The following ME3 variants were observed in gnomAD, a reference collection of about 807,000 sequenced individuals.
The protein encoded by ME3 is malic enzyme 3.
A neutral mutation model predicts 68.9 loss-of-function variants in ME3; 48 were observed. The observed-to-expected ratio is 0.70, with a 90% CI of 0.55 to 0.89. ME3 has a LOEUF of 0.89. ME3 is among the 40% of genes least tolerant of loss of function. The pLI is 0.00. For missense variants in ME3, 675 were observed against 797.4 expected (o/e 0.85, Z 1.85); for synonymous variants, 320 against 318.8 (o/e 1.00, Z -0.04).
At chr11:86,458,787 A>T (rs1431565353) in intron 8 of ME3, among the ~76,000 whole-genome samples, 1 of 152,076 alleles carries the variant, frequency 6.6e-6, no homozygotes, top group Non-Finnish European at 1.5e-5. Flanking sequence ...GCTGGAAATA[A>T]TCCCTGGCAT....
chr11:86,498,234 G>A (rs547326784), intron 5 of ME3, 110 bp from the exon 6 acceptor site: 1 of 1,324,270 alleles, frequency 7.6e-7, no homozygotes. Flanking sequence ...CACTGACTTT[G>A]CCGGTGTGAA....
intron 6 of ME3, among the ~76,000 whole-genome samples, chr11:86,496,355 G>A (rs937600830): frequency 2.0e-5 from 3 of 152,050 alleles, no homozygotes; most frequent in Admixed American, 1.3e-4. Context: ...GCAGCGAGCC[G>A]AGATCACGCC....
At chr11:86,656,363 T>C (rs2135463323) in intron 2 of ME3, among the ~76,000 whole-genome samples, 1 of 151,776 alleles carries the variant, frequency 6.6e-6, no homozygotes, top group East Asian at 1.9e-4. Context: ...TGTCCAACAA[T>C]GATAGACTGG....
At chr11:86,520,742 A>G (rs1954213139) in intron 4 of ME3, among the ~76,000 whole-genome samples, 1 of 152,216 alleles carries the variant, frequency 6.6e-6, no homozygotes, top group African/African-American at 2.4e-5. Context: ...CTGCAAACAT[A>G]GTGTTTACTT....
intron 2 of ME3, among the ~76,000 whole-genome samples, chr11:86,650,662 T>C (rs1309637862): frequency 1.3e-5 from 2 of 152,188 alleles, no homozygotes; most frequent in Admixed American, 6.5e-5. Flanking sequence ...CAGCTCCCAG[T>C]GTGAGCGACA....
At chr11:86,606,712 G>A (rs942429832) in intron 2 of ME3, among the ~76,000 whole-genome samples, 7 of 152,198 alleles carry the variant, frequency 4.6e-5, no homozygotes, top group South Asian at 2.1e-4. Flanking sequence ...AACTCTCCCA[G>A]TACAGAAAAG....
At chr11:86,458,649 A>G (rs920001632) in intron 8 of ME3, among the ~76,000 whole-genome samples, 2 of 152,142 alleles carry the variant, frequency 1.3e-5, no homozygotes, top group Non-Finnish European at 2.9e-5. Flanking sequence ...GGAACAGAGG[A>G]GAGAAAAGGT....
chr11:86,544,886 G>A (rs1956271452), intron 4 of ME3, among the ~76,000 whole-genome samples: 1 of 152,148 alleles, frequency 6.6e-6, no homozygotes, highest in Non-Finnish European at 1.5e-5. Context: ...TATCCCTGAT[G>A]AACATCAATG....
chr11:86,519,804 T>C (rs1954140653), intron 4 of ME3, among the ~76,000 whole-genome samples: 1 of 152,238 alleles, frequency 6.6e-6, no homozygotes, highest in African/African-American at 2.4e-5. Context: ...CCTCGAAGGC[T>C]GTGTAGGCCT....
chr11:86,448,011 T>A (rs1949419345), intron 11 of ME3, 139 bp downstream of exon 11: 1 of 624,050 alleles, frequency 1.6e-6, no homozygotes, highest in African/African-American at 1.8e-5. Context: ...TAAAAGTTTG[T>A]GGCATTGAAT....
chr11:86,624,463 T>C (rs1943536639), intron 2 of ME3, among the ~76,000 whole-genome samples: 2 of 152,174 alleles, frequency 1.3e-5, no homozygotes, highest in African/African-American at 4.8e-5. Flanking sequence ...TTGAGAACAC[T>C]CCTCTATTCT....
chr11:86,499,205 A>C (rs188341096), intron 5 of ME3, among the ~76,000 whole-genome samples: 17 of 152,092 alleles, frequency 1.1e-4, no homozygotes, highest in Admixed American at 3.3e-4. Context: ...GGTGGGGACA[A>C]TGTAGGATGT....
intron 7 of ME3, among the ~76,000 whole-genome samples, chr11:86,471,033 T>C (rs1042903547): frequency 6.6e-6 from 1 of 151,908 alleles, no homozygotes; most frequent in Non-Finnish European, 1.5e-5. Flanking sequence ...TCCTAACCAC[T>C]GTGGGCCTTT....
chr11:86,486,122 T>G (rs1951675115), intron 7 of ME3, among the ~76,000 whole-genome samples: 1 of 152,206 alleles, frequency 6.6e-6, no homozygotes, highest in African/African-American at 2.4e-5. Flanking sequence ...CCCAGTACTC[T>G]GCCTTCCCTT....
chr11:86,518,686 T>A (rs1412276705), intron 4 of ME3, among the ~76,000 whole-genome samples: 1 of 152,160 alleles, frequency 6.6e-6, no homozygotes, highest in Non-Finnish European at 1.5e-5. Context: ...AAAGCTATAA[T>A]GGGGTGGTGG....
At chr11:86,488,959 T>G (rs191281298) in intron 6 of ME3, among the ~76,000 whole-genome samples, 103 of 152,128 alleles carry the variant, frequency 6.8e-4, no homozygotes, top group African/African-American at 2.4e-3. Context: ...TAGGAAGAGA[T>G]AGGCAGATTT....
intron 2 of ME3, among the ~76,000 whole-genome samples, chr11:86,647,789 C>T (rs1945125353): frequency 6.6e-6 from 1 of 152,146 alleles, no homozygotes; most frequent in Admixed American, 6.6e-5. Context: ...GAGACTTAGA[C>T]TCCCACACAA....
At chr11:86,644,408 G>A (rs1944869683) in intron 2 of ME3, among the ~76,000 whole-genome samples, 1 of 152,140 alleles carries the variant, frequency 6.6e-6, no homozygotes, top group East Asian at 1.9e-4. Flanking sequence ...CTTTACAGAG[G>A]ATGAAACCCA....
intron 2 of ME3, among the ~76,000 whole-genome samples, chr11:86,637,962 A>G (rs1276278416): frequency 9.5e-6 from 1 of 105,348 alleles, no homozygotes; most frequent in Non-Finnish European, 1.8e-5. Flanking sequence ...AGACATGCTC[A>G]TGCATACACA....
Sources: gnomAD v4.1 joint callset for allele counts (sites outside exome capture counted in the v4.1 genomes callset) on GRCh38, gnomAD v4.1.1 for gene constraint, MANE v1.5 for transcripts, NCBI Gene and HGNC (gene_info 2026-07-23, HGNC 2026-07-21) for gene names.